The following LRRC7 variants were observed in gnomAD, a reference collection of about 807,000 sequenced individuals.
LRRC7 encodes the protein leucine-rich repeat-containing protein 7.
In LRRC7, 23 loss-of-function variants were observed where a neutral mutation model predicts 175.7. The observed-to-expected ratio is 0.13, with a 90% CI of 0.09 to 0.19. The LOEUF (loss-of-function observed/expected upper bound fraction) is 0.19, where lower values mean the gene tolerates loss of function less well. Among genes scored for constraint, LRRC7 ranks in the 10% least tolerant of loss-of-function variants. LRRC7 has a pLI of 1.00. For synonymous variants in LRRC7, 685 were observed against 680.9 expected, an observed-to-expected ratio of 1.01 and a Z score of -0.09; for missense variants, 1,354 against 1,904.7, an observed-to-expected ratio of 0.71 and a Z score of 5.38.
chr1:70,090,621 A>G (rs574280108), intron 25 of LRRC7, among the ~76,000 whole-genome samples: 10 of 152,104 alleles, frequency 6.6e-5, no homozygotes, highest in Non-Finnish European at 1.3e-4. Flanking sequence ...AATTGAAGCT[A>G]TCTACTTTCA....
chr1:70,036,364 T>A, intron 19 of LRRC7, 80 bp from the exon 20 acceptor site: 1 of 1,446,076 alleles, frequency 6.9e-7, no homozygotes, highest in Non-Finnish European at 9.5e-7. Flanking sequence ...TTAATCGGTA[T>A]GGTTTCCATT....
intron 1 of LRRC7, 60 bp from the exon 2 acceptor site, chr1:69,678,321 C>G: frequency 8.2e-7 from 1 of 1,219,662 alleles, no homozygotes; most frequent in South Asian, 1.3e-5. Context: ...GACCATTTAA[C>G]TTGTAAACAT....
At chr1:69,901,696 C>G (rs1014416449) in intron 7 of LRRC7, among the ~76,000 whole-genome samples, 3 of 152,158 alleles carry the variant, frequency 2.0e-5, no homozygotes, top group Non-Finnish European at 4.4e-5. Flanking sequence ...CATCTTTGAT[C>G]TCCTTCATAT....
At position 69,701,256 on chromosome 1, in the gene LRRC7, G is replaced by C. The variant is rs570552389; in HGVS notation, c.100+22778G>C. 3.9e-5 allele frequency among the ~76,000 whole-genome samples: 6 copies of C among 152,186 alleles called. No individual in the cohort carries two copies. The South Asian group carries it at 8.3e-4, about 21-fold the overall frequency. On this transcript the variant is annotated intron_variant, in intron 2 of 26. Transcript: ENST00000651989. ...TACCAACACATTTCAGATGTTACAG[G>C]CTCATTGAAGTAAATGAGTATAAAA...
At chr1:69,909,320 A>T (rs1646438556) in intron 7 of LRRC7, among the ~76,000 whole-genome samples, 1 of 152,052 alleles carries the variant, frequency 6.6e-6, no homozygotes, top group Admixed American at 6.5e-5. Context: ...TTATGATGTT[A>T]GCTGGTTATT....
chr1:69,756,419 G>A (rs1166692968), intron 2 of LRRC7, among the ~76,000 whole-genome samples: 1 of 151,414 alleles, frequency 6.6e-6, no homozygotes, highest in Non-Finnish European at 1.5e-5. Context: ...AGAGTGAAAG[G>A]GCTCATCAAG....
intron 17 of LRRC7, among the ~76,000 whole-genome samples, chr1:70,025,238 TAATA>T (rs1160055062): frequency 6.7e-6 from 1 of 149,148 alleles, no homozygotes; most frequent in African/African-American, 2.5e-5. Context: ...ATATAATATT[TAATA>T]ATTAATCATT....
chr1:70,010,497 G>A (rs1029397590), intron 11 of LRRC7, among the ~76,000 whole-genome samples: 2 of 152,098 alleles, frequency 1.3e-5, no homozygotes. Flanking sequence ...CCCAGGAAGT[G>A]GGGGTTGCAG....
chr1:70,102,767 A>G (rs1236109673), intron 25 of LRRC7, among the ~76,000 whole-genome samples: 4 of 152,230 alleles, frequency 2.6e-5, no homozygotes, highest in Non-Finnish European at 4.4e-5. Flanking sequence ...TAACAATTCT[A>G]TAAAGTATGT....
At chr1:69,570,686 G>C (rs1336857712) in intron 1 of LRRC7, among the ~76,000 whole-genome samples, 1 of 151,346 alleles carries the variant, frequency 6.6e-6, no homozygotes, top group East Asian at 1.9e-4. Context: ...GTTGTTTTTT[G>C]TTTGTTTGTT....
chr1:69,996,983 C>T (rs1000291795), intron 11 of LRRC7, among the ~76,000 whole-genome samples: 2 of 152,102 alleles, frequency 1.3e-5, no homozygotes, highest in Non-Finnish European at 2.9e-5. Context: ...TGTAAATTAC[C>T]TTGCGCAATA....
At chr1:69,687,716 T>C (rs2100643877) in intron 2 of LRRC7, among the ~76,000 whole-genome samples, 1 of 152,186 alleles carries the variant, frequency 6.6e-6, no homozygotes, top group South Asian at 2.1e-4. Flanking sequence ...TTGGTCCCTT[T>C]TTTTTACCCT....
At chr1:69,657,914 C>T (rs974721107) in intron 1 of LRRC7, among the ~76,000 whole-genome samples, 5 of 151,918 alleles carry the variant, frequency 3.3e-5, no homozygotes, top group African/African-American at 1.2e-4. Context: ...TTAATACTAT[C>T]AAAAATGATG....
rs754971717 is a variant in LRRC7, at chr1:69,717,770, A to AAAAGAAAGAAAGAAAG, written c.100+39348_100+39363dup. Among the ~76,000 whole-genome samples the AAAAGAAAGAAAGAAAG allele has an allele frequency of 7.1e-5, 3 of 42,392 alleles. 1 individual carries two copies. The highest frequency in any genetic ancestry group is 4.3e-5 in the Non-Finnish European group (1 of 23,338). The allele number at this position is 42,392 out of a possible 152,430, so 27.8% of individuals were successfully genotyped here. A position where few individuals can be genotyped will look rare whatever the true frequency, so the allele number is the denominator to read the frequency against. ...GATATTGGAACATGAAAAAAAGAAA[A>AAAAGAAAGAAAGAAAG]AAAGAAAGAAAGAAAGAAAGAAAGA... On this transcript the variant is annotated intron_variant, in intron 2 of 26. Coordinates refer to ENST00000651989, the MANE Select transcript of LRRC7 (RefSeq NM_001370785.2).
At chr1:69,997,935 T>C (rs1301123980) in intron 11 of LRRC7, among the ~76,000 whole-genome samples, 2 of 152,260 alleles carry the variant, frequency 1.3e-5, no homozygotes, top group African/African-American at 2.4e-5. Context: ...TAGGGAGGAT[T>C]CCCTCTTTTT....
At chr1:69,690,671 T>C (rs749808773) in intron 2 of LRRC7, among the ~76,000 whole-genome samples, 2 of 152,138 alleles carry the variant, frequency 1.3e-5, no homozygotes, top group African/African-American at 2.4e-5. Context: ...ATGCCCACTA[T>C]ACAATAACAC....
At position 69,644,538 on chromosome 1, in the gene LRRC7, C is replaced by A; in HGVS notation, c.3-33843C>A. Among the ~76,000 whole-genome samples, 2 of 152,058 alleles carry A rather than the reference C, an allele frequency of 1.3e-5. 1 individual carries two copies. Among genetic ancestry groups the A allele is most frequent in the South Asian group, 4.1e-4 (2 of 4,822 alleles). On this transcript the variant is annotated intron_variant, in intron 1 of 26. Transcript: ENST00000651989. The stretch of plus-strand genomic sequence containing the variant: ...CCATCCTTTTATTTTCAGTGTACTT[C>A]TTGTAAACAGATAAAATTAGTTCTT...
At chr1:69,923,498 A>C (rs1646957318) in intron 7 of LRRC7, among the ~76,000 whole-genome samples, 1 of 152,042 alleles carries the variant, frequency 6.6e-6, no homozygotes, top group Non-Finnish European at 1.5e-5. Flanking sequence ...TGACTTTTTA[A>C]TGATTGCCAT....
chr1:70,118,907 G>A (rs1666036217), intron 26 of LRRC7, among the ~76,000 whole-genome samples: 1 of 151,774 alleles, frequency 6.6e-6, no homozygotes, highest in Admixed American at 6.6e-5. Flanking sequence ...CTACATATTG[G>A]GCTCTCTTCC....
Sources: gnomAD v4.1 joint callset for allele counts (sites outside exome capture counted in the v4.1 genomes callset) on GRCh38, gnomAD v4.1.1 for gene constraint, MANE v1.5 for transcripts, NCBI Gene and HGNC (gene_info 2026-07-23, HGNC 2026-07-21) for gene names.